Variants in TMUB2 observed in about 807,000 individuals in gnomAD.
TMUB2 encodes the protein transmembrane and ubiquitin-like domain-containing protein 2.
TMUB2 carries 19 observed loss-of-function variants against 20.2 expected under a neutral mutation model. The ratio of observed to expected loss-of-function variants is 0.94; its 90% confidence interval spans 0.66 to 1.38. TMUB2 has a LOEUF of 1.38. Among genes scored for constraint, TMUB2 ranks in the 40% most tolerant of loss-of-function variants. The probability of loss-of-function intolerance (pLI) is 0.00; values close to 1 mark genes in which losing one functional copy is unlikely to be tolerated. For synonymous variants in TMUB2, 186 were observed against 166.0 expected (o/e 1.12, Z -0.92); for missense variants, 426 against 402.5 (o/e 1.06, Z -0.50).
chr17:44,191,022 T>G lies in TMUB2; in HGVS notation c.*158T>G. On this transcript the variant is annotated 3_prime_UTR_variant, in exon 4 of 4. Coordinates refer to ENST00000538716, the MANE Select transcript of TMUB2 (RefSeq NM_001076674.3). ...CAGGAGGCAAGTATGCGGCCTCCCC[T>G]TCTCATCCACAGGAGTACAGATGTC... 6.9e-7 allele frequency: 1 copy of G among 1,456,098 alleles called. No individual in the cohort carries two copies. The highest frequency in any genetic ancestry group is 2.7e-5 in the Admixed American group (1 of 36,518). The allele number at this position is 1,456,098 out of a possible 1,614,324, so 90.2% of individuals were successfully genotyped here.
In TMUB2 at chr17:44,189,568, T is replaced by C; in HGVS notation, c.582T>C (p.Asp194=). Residue 194 remains aspartate, a synonymous_variant, in exon 3 of 4, where the codon GAT becomes GAC. Coordinates refer to ENST00000538716, the MANE Select transcript of TMUB2 (RefSeq NM_001076674.3). Reference sequence around the variant, plus strand: ...AGCTGGCTGTGGCTAGGCCAGAGGATACCGTGGGTGCCCTGAAGAGGTGAG... The same window carrying C: ...AGCTGGCTGTGGCTAGGCCAGAGGACACCGTGGGTGCCCTGAAGAGGTGAG... ...TEELAVARPE[D]TVGALKSKYF... 1 of 1,599,022 alleles carries C rather than the reference T, an allele frequency of 6.3e-7. No homozygotes were observed.
rs777946167 is a variant in TMUB2, at chr17:44,190,860, G to T, written c.962G>T (p.Arg321Leu). Residue 321 changes from arginine (R) to leucine (L), a missense_variant, in exon 4 of 4, where the codon CGA becomes CTA. Coordinates refer to ENST00000538716, the MANE Select transcript of TMUB2 (RefSeq NM_001076674.3). Reference protein sequence around the residue: ...FSFLVFGMYGR With the variant: ...FSFLVFGMYGL ...TTCCTAGTATTTGGGATGTATGGAC[G>T]ATAAGGACATAGGAAGAAAATGAAA... The T allele has an allele frequency of 6.2e-7, 1 of 1,608,554 alleles. No homozygotes were observed. The highest frequency in any genetic ancestry group is 8.5e-7 in the Non-Finnish European group (1 of 1,177,024).
At chr17:44,188,053 C>T (rs143020566) in intron 2 of TMUB2, 7 of 340,368 alleles carry the variant, frequency 2.1e-5, no homozygotes, top group African/African-American at 1.3e-4. Flanking sequence ...TGAGAATAGT[C>T]TGATAATGGT....
At chr17:44,190,444 G>A (rs530901744) in intron 3 of TMUB2, 57 bp from the exon 4 acceptor site, 134 of 1,527,406 alleles carry the variant, frequency 8.8e-5, no homozygotes, top group Non-Finnish European at 5.3e-6. Flanking sequence ...GTCCAGGCCT[G>A]TTTGCCTTCT....
chr17:44,188,999 G>C, intron 2 of TMUB2, 23 bp from the exon 3 acceptor site: 3 of 1,598,916 alleles, frequency 1.9e-6, no homozygotes, highest in Non-Finnish European at 2.6e-6. Flanking sequence ...CTCTGCTGAT[G>C]CTGTCCCCCT....
At chr17:44,187,412 C>G (rs1252990059) in intron 1 of TMUB2, 1 of 445,340 alleles carries the variant, frequency 2.2e-6, no homozygotes, top group East Asian at 3.9e-5. Flanking sequence ...TGCGGGACCC[C>G]TCCTCACCGT....
chr17:44,187,548 T>C (rs2054627638), intron 1 of TMUB2, 128 bp from the exon 2 acceptor site: 1 of 638,166 alleles, frequency 1.6e-6, no homozygotes. Flanking sequence ...CCAATCGTTT[T>C]CGTCTTTCTT....
In TMUB2 at chr17:44,190,927, C is replaced by CTAAA; in HGVS notation, c.*63_*64insTAAA. 1 of 1,535,684 alleles carries CTAAA rather than the reference C, an allele frequency of 6.5e-7. No homozygotes were observed. Among genetic ancestry groups the CTAAA allele is most frequent in the Non-Finnish European group, 8.7e-7 (1 of 1,144,312 alleles). ...TTTACGGCCTCCCCACTTTTCCTGGCCAGAGCTGGGCCCAAGGGCCGGGGA... is the reference window on the plus strand; with the variant it reads ...TTTACGGCCTCCCCACTTTTCCTGGCTAAACAGAGCTGGGCCCAAGGGCCGGGGA... On this transcript the variant is annotated 3_prime_UTR_variant, in exon 4 of 4. Coordinates refer to ENST00000538716, the MANE Select transcript of TMUB2 (RefSeq NM_001076674.3).
Position 44,191,204 on chromosome 17 carries a change from T to C in TMUB2, c.*340T>C, listed in dbSNP as rs2055527723. 2 of 1,075,006 alleles carry C rather than the reference T, an allele frequency of 1.9e-6. No homozygotes were observed. The highest frequency in any genetic ancestry group is 3.3e-5 in the African/African-American group (2 of 60,128). The allele number at this position is 1,075,006 out of a possible 1,614,324, so 66.6% of individuals were successfully genotyped here. ...GTGGTTCTGACTCTTCCCAGTGTCC[T>C]GCATGTCTGCCCCCAGCACCCAGGG... is the stretch of plus-strand genomic sequence containing the variant. On this transcript the variant is annotated 3_prime_UTR_variant, in exon 4 of 4. Transcript: ENST00000538716.
Position 44,191,243 on chromosome 17 carries a change from C to CA in TMUB2, c.*380dup. On this transcript the variant is annotated 3_prime_UTR_variant, in exon 4 of 4. Coordinates refer to ENST00000538716, the MANE Select transcript of TMUB2 (RefSeq NM_001076674.3). Reference sequence around the variant, plus strand: ...CAGCACCCAGGGCTGCCTGCAAGGGCAGCTCAGCATGGCCCCAGCACAACT... The same window carrying CA: ...CAGCACCCAGGGCTGCCTGCAAGGGCAAGCTCAGCATGGCCCCAGCACAACT... 5 of 1,035,088 alleles carry CA rather than the reference C, an allele frequency of 4.8e-6. No individual in the cohort carries two copies. Among genetic ancestry groups the CA allele is most frequent in the Non-Finnish European group, 5.8e-6 (5 of 859,928 alleles). 64.1% of individuals were successfully genotyped at this position (1,035,088 alleles called of 1,614,324 possible).
Position 44,191,688 on chromosome 17 carries a change from G to A in TMUB2, c.*824G>A, listed in dbSNP as rs1055334193. The A allele has an allele frequency of 1.9e-4, 184 of 985,826 alleles. No homozygotes were observed. Among genetic ancestry groups the A allele is most frequent in the Non-Finnish European group, 2.1e-4 (173 of 829,980 alleles). The allele number at this position is 985,826 out of a possible 1,614,324, so 61.1% of individuals were successfully genotyped here. ...CTCTTGCTTCTGGGGCTATTGGAGG[G>A]TCAGTGTCTGTGACTGAATAAAGTT... On this transcript the variant is annotated 3_prime_UTR_variant, in exon 4 of 4. Coordinates refer to ENST00000538716, the MANE Select transcript of TMUB2 (RefSeq NM_001076674.3).
intron 1 of TMUB2, chr17:44,187,360 A>G: frequency 3.2e-6 from 1 of 308,334 alleles, no homozygotes; most frequent in Non-Finnish European, 6.2e-6. Flanking sequence ...CGCCGAGGGA[A>G]TAGGACCATC....
At position 44,191,303 on chromosome 17, in the gene TMUB2, G is replaced by A. The variant is rs889034103; in HGVS notation, c.*439G>A. ...GCCTGGAGTATCCTTCCATTTCTCA[G>A]CCAAATACTCATCTTTTGAGACTGA... On this transcript the variant is annotated 3_prime_UTR_variant, in exon 4 of 4. Transcript: ENST00000538716. The A allele has an allele frequency of 8.1e-6, 8 of 993,622 alleles. No homozygotes were observed. The highest frequency in any genetic ancestry group is 9.6e-6 in the Non-Finnish European group (8 of 834,732). 61.6% of individuals were successfully genotyped at this position (993,622 alleles called of 1,614,324 possible).
At chr17:44,189,704 C>G (rs1049279377) in intron 3 of TMUB2, 116 bp downstream of exon 3, 77 of 980,006 alleles carry the variant, frequency 7.9e-5, no homozygotes, top group Non-Finnish European at 1.1e-4. Flanking sequence ...CAGCCCCTAC[C>G]AAGGGCAGGT....
Position 44,191,284 on chromosome 17 carries a change from AGTATCCT to A in TMUB2, c.*421_*427del. 1 of 998,744 alleles carries A rather than the reference AGTATCCT, an allele frequency of 1.0e-6. No individual in the cohort carries two copies. The highest frequency in any genetic ancestry group is 4.4e-5 in the South Asian group (1 of 22,616). The allele number at this position is 998,744 out of a possible 1,614,324, so 61.9% of individuals were successfully genotyped here. A position where few individuals can be genotyped will look rare whatever the true frequency, so the allele number is the denominator to read the frequency against. Reference sequence around the variant, plus strand: ...CAGCACAACTCCGTAGGGAGCCTGGAGTATCCTTCCATTTCTCAGCCAAATACTCATC... The same window carrying A: ...CAGCACAACTCCGTAGGGAGCCTGGATCCATTTCTCAGCCAAATACTCATC... On this transcript the variant is annotated 3_prime_UTR_variant, in exon 4 of 4. Transcript: ENST00000538716.
chr17:44,187,575 C>T (rs1272668367), intron 1 of TMUB2, 101 bp from the exon 2 acceptor site: 3 of 666,842 alleles, frequency 4.5e-6, no homozygotes, highest in South Asian at 3.2e-5. Context: ...AGTTTCTTTT[C>T]CTGTAAATCA....
In TMUB2 at chr17:44,190,560, A is replaced by G. The variant is rs774416311; in HGVS notation, c.662A>G (p.Gln221Arg). ...CTGATCTACCAGGGCCGCCTGCTAC[A>G]AGACCCAGCCCGCACACTGCGTTCT... ...MKLIYQGRLL[Q>R]DPARTLRSLN... Residue 221 changes from glutamine (Q) to arginine (R), a missense_variant, in exon 4 of 4, where the codon CAA becomes CGA. Gln to Arg is a conservative substitution (Grantham distance 43). Coordinates refer to ENST00000538716, the MANE Select transcript of TMUB2 (RefSeq NM_001076674.3). 5.6e-6 allele frequency: 9 copies of G among 1,613,982 alleles called. No individual in the cohort carries two copies. The highest frequency in any genetic ancestry group is 1.7e-5 in the Admixed American group (1 of 59,976).
intron 2 of TMUB2, chr17:44,188,710 A>C (rs367618686): frequency 2.2e-5 from 6 of 273,718 alleles, no homozygotes; most frequent in East Asian, 1.4e-4. Flanking sequence ...TCACCAAAAA[A>C]GCAACAACAG....
intron 3 of TMUB2, 117 bp from the exon 4 acceptor site, chr17:44,190,384 G>GGGAAAAAAAAATCCA: frequency 9.6e-7 from 1 of 1,043,456 alleles, no homozygotes; most frequent in Non-Finnish European, 1.3e-6. Flanking sequence ...ATAAAGATGA[G>GGGAAAAAAAAATCCA]GGAAAAAAAA....
Sources: allele counts gnomAD v4.1 joint callset, GRCh38; gene constraint gnomAD v4.1.1; transcripts MANE v1.5; gene names NCBI Gene and HGNC (gene_info 2026-07-23, HGNC 2026-07-21).